ZFAT: variants seen among roughly 807,000 people sequenced by gnomAD.
ZFAT encodes the protein zinc finger protein ZFAT.
Under a neutral mutation model 117.7 loss-of-function variants are expected in ZFAT, and 64 were observed. The ratio of observed to expected loss-of-function variants is 0.54; its 90% confidence interval spans 0.44 to 0.67. ZFAT has a LOEUF of 0.67. Ranked by LOEUF, ZFAT falls within the 30% of genes least tolerant of loss-of-function variation. ZFAT has a pLI of 0.00. For missense variants in ZFAT, 1,433 were observed against 1,584.5 expected, an observed-to-expected ratio of 0.90 and a Z score of 1.62; for synonymous variants, 679 against 615.0, an observed-to-expected ratio of 1.10 and a Z score of -1.54.
At chr8:134,680,259 C>T (rs1267918715) in intron 1 of ZFAT, among the ~76,000 whole-genome samples, 1 of 116,810 alleles carries the variant, frequency 8.6e-6, no homozygotes, top group Non-Finnish European at 1.8e-5. Context: ...CAGACTCCCC[C>T]TCAAAAAAAA....
rs1011560753 is a variant in ZFAT at position 134,579,263 on chromosome 8, G to A, written c.2887+4569C>T. Among the ~76,000 whole-genome samples the A allele has an allele frequency of 4.6e-5, 7 of 152,278 alleles. No individual in the cohort carries two copies. In the East Asian group the frequency reaches 5.8e-4, roughly 13 times the overall value. On this transcript the variant is annotated intron_variant, in intron 10 of 15. Transcript: ENST00000377838. The stretch of plus-strand genomic sequence containing the variant: ...GTTTGGAAGCCTTCTGTATTAGTCC[G>A]TTTTCAAACTGCTGATAAAGACATA...
At chr8:134,627,330 G>C (rs1027702392) in intron 3 of ZFAT, among the ~76,000 whole-genome samples, 4 of 152,136 alleles carry the variant, frequency 2.6e-5, no homozygotes, top group Non-Finnish European at 5.9e-5. Context: ...GCAGGACTGG[G>C]GACTGAGAGA....
the ZFAT span, among the ~76,000 whole-genome samples, chr8:134,787,785 T>C: frequency 1.3e-5 from 2 of 149,302 alleles, no homozygotes; most frequent in Admixed American, 6.7e-5. Flanking sequence ...GAACATGGTA[T>C]ATCCATATAT....
chr8:134,605,919 G>C (rs1363962054), intron 5 of ZFAT, among the ~76,000 whole-genome samples: 1 of 152,186 alleles, frequency 6.6e-6, no homozygotes, highest in African/African-American at 2.4e-5. Flanking sequence ...AGGACCATCA[G>C]GCTCCCTGTG....
chr8:134,661,240 C>T (rs1225649031), intron 1 of ZFAT, among the ~76,000 whole-genome samples: 1 of 152,170 alleles, frequency 6.6e-6, no homozygotes, highest in African/African-American at 2.4e-5. Context: ...CACAGAGTGT[C>T]GTGGAGGCAG....
chr8:134,797,631 T>C, the ZFAT span: 8 of 152,086 alleles, frequency 5.3e-5, no homozygotes, highest in African/African-American at 1.9e-4. Context: ...CTCAACAGGT[T>C]CTACTGCTAA....
rs1215256190 is a variant in ZFAT at position 134,602,952 on chromosome 8, A to G, written c.786-19T>C. On this transcript the variant is annotated intron_variant, in intron 5 of 15. Coordinates refer to ENST00000377838, the MANE Select transcript of ZFAT (RefSeq NM_020863.4). ...ACCTAGCCTAGAAACAGATGACAGC[A>G]TGGTTACATCTGGAGACCTTGAATG... 2.5e-6 allele frequency: 4 copies of G among 1,588,772 alleles called. No homozygotes were observed. Among genetic ancestry groups the G allele is most frequent in the Non-Finnish European group, 2.6e-6 (3 of 1,167,428 alleles).
intron 10 of ZFAT, among the ~76,000 whole-genome samples, chr8:134,575,934 G>A (rs1327445577): frequency 2.0e-5 from 3 of 152,162 alleles, no homozygotes; most frequent in African/African-American, 7.2e-5. Flanking sequence ...TACTTTAAAG[G>A]CTGAACTTCA....
At chr8:134,815,959 A>G in the ZFAT span, among the ~76,000 whole-genome samples, 1 of 152,218 alleles carries the variant, frequency 6.6e-6, no homozygotes, top group Non-Finnish European at 1.5e-5. Flanking sequence ...AACAGCCAAC[A>G]TAGAGGCTCT....
chr8:134,506,327 G>A (rs1363572480), intron 15 of ZFAT, among the ~76,000 whole-genome samples: 4 of 152,224 alleles, frequency 2.6e-5, no homozygotes, highest in Admixed American at 2.0e-4. Context: ...CCAGGCTGGA[G>A]TGGGGCACGC....
chr8:134,628,846 T>C (rs1412831964), intron 3 of ZFAT, among the ~76,000 whole-genome samples: 1 of 152,132 alleles, frequency 6.6e-6, no homozygotes, highest in Non-Finnish European at 1.5e-5. Flanking sequence ...GAAGAGGAAA[T>C]GAATTAATAT....
rs202167634 is a variant in ZFAT at position 134,590,287 on chromosome 8, A to G, written c.2544T>C (p.His848=). 1.2e-6 allele frequency: 2 copies of G among 1,613,310 alleles called. No individual in the cohort carries two copies. Among genetic ancestry groups the G allele is most frequent in the Non-Finnish European group, 1.7e-6 (2 of 1,179,318 alleles). ...SFSEDRLIKS[H]IKTNHPEVSM... ...CCTTACCAGGATGGTTGGTCTTGAT[A>G]TGTGACTTTATCAATCGATCCTCTG... The change falls in exon 8 of 16, where the codon CAT becomes CAC. Residue 848 remains histidine, a synonymous_variant. Transcript: ENST00000377838.
chr8:134,638,344 T>C (rs1465784002), intron 2 of ZFAT, among the ~76,000 whole-genome samples: 4 of 152,086 alleles, frequency 2.6e-5, no homozygotes, highest in African/African-American at 7.2e-5. Flanking sequence ...ATTTTACAAC[T>C]TGTGTTTCTT....
chr8:134,800,630 T>C, the ZFAT span: 7 of 487,930 alleles, frequency 1.4e-5, no homozygotes, highest in Non-Finnish European at 3.0e-5. Flanking sequence ...TTAAACTCTT[T>C]ACTAAGTTTG....
the ZFAT span, among the ~76,000 whole-genome samples, chr8:134,742,881 A>T: frequency 7.8e-4 from 119 of 152,232 alleles, no homozygotes; most frequent in African/African-American, 2.8e-3. Context: ...AGCAAGCTCT[A>T]AGGGGAGGGC....
the ZFAT span, among the ~76,000 whole-genome samples, chr8:134,745,284 C>T: frequency 1.3e-5 from 2 of 152,160 alleles, no homozygotes; most frequent in Admixed American, 6.5e-5. Flanking sequence ...CTCCTTAAGA[C>T]GTGCAATGCC....
At chr8:134,523,474 G>A (rs1407507352) in intron 12 of ZFAT, among the ~76,000 whole-genome samples, 1 of 152,210 alleles carries the variant, frequency 6.6e-6, no homozygotes, top group East Asian at 1.9e-4. Flanking sequence ...CTGCATAGAT[G>A]GGAGCAACCA....
the ZFAT span, among the ~76,000 whole-genome samples, chr8:134,823,072 C>T: frequency 6.6e-6 from 1 of 152,148 alleles, no homozygotes; most frequent in Non-Finnish European, 1.5e-5. Flanking sequence ...TATTTCTCTT[C>T]CTGCTCTGTT....
chr8:134,728,264 A>G, the ZFAT span, among the ~76,000 whole-genome samples: 20 of 152,034 alleles, frequency 1.3e-4, no homozygotes, highest in Non-Finnish European at 2.4e-4. Flanking sequence ...AGGGCCTGAA[A>G]GACCCCGCTG....
Sources: gnomAD v4.1 joint callset for allele counts (sites outside exome capture counted in the v4.1 genomes callset) on GRCh38, gnomAD v4.1.1 for gene constraint, MANE v1.5 for transcripts, NCBI Gene and HGNC (gene_info 2026-07-23, HGNC 2026-07-21) for gene names.